The following NOL10 variants were observed in gnomAD, a reference collection of about 807,000 sequenced individuals.
NOL10 encodes H_NH0074G24.1.
In NOL10, 58 loss-of-function variants were observed where a neutral mutation model predicts 103.5. The observed-to-expected ratio is 0.56, with a 90% CI of 0.45 to 0.70. The LOEUF (loss-of-function observed/expected upper bound fraction) is 0.70. Among genes scored for constraint, NOL10 ranks in the 30% least tolerant of loss-of-function variants. The pLI is 0.00. For synonymous variants in NOL10, 287 were observed against 282.5 expected (o/e 1.02, Z -0.16); for missense variants, 763 against 807.3 (o/e 0.95, Z 0.67).
Position 10,571,864 on chromosome 2 carries a change from A to T in NOL10, c.*207T>A. On this transcript the variant is annotated 3_prime_UTR_variant, in exon 21 of 21. Transcript: ENST00000381685. ...CCAGGGAGCAACGACTCGCAAGCAC[A>T]CCCCTGGGGCTGTGCGGTGGCCGTC... The T allele has an allele frequency of 2.2e-6, 1 of 454,964 alleles. No homozygotes were observed. The highest frequency in any genetic ancestry group is 3.8e-6 in the Non-Finnish European group (1 of 259,808). 28.2% of individuals were successfully genotyped at this position (454,964 alleles called of 1,614,324 possible).
rs575658225 is a variant in NOL10 at position 10,638,792 on chromosome 2, CTTTTTTTTTTTTT to C, written c.1026+5515_1026+5527del. On this transcript the variant is annotated intron_variant, in intron 13 of 20. Transcript: ENST00000381685. ...AGGCGTTTGAGCCACCGTGCCTGGC[CTTTTTTTTTTTTT>C]TTTTTTTTTTTTTTTGAGACAGATT... is the stretch of plus-strand genomic sequence containing the variant. 6.1e-4 allele frequency among the ~76,000 whole-genome samples: 32 copies of C among 52,860 alleles called. No individual in the cohort carries two copies. In the South Asian group the frequency reaches 0.014, roughly 23 times the overall value. The allele number at this position is 52,860 out of a possible 152,430, so 34.7% of individuals were successfully genotyped here. A position where few individuals can be genotyped will look rare whatever the true frequency, so the allele number is the denominator to read the frequency against.
At chr2:10,668,184 GTGATGA>G (rs1163234327) in intron 7 of NOL10, among the ~76,000 whole-genome samples, 6 of 152,232 alleles carry the variant, frequency 3.9e-5, no homozygotes, top group South Asian at 2.1e-4. Flanking sequence ...ATTATTTGTT[GTGATGA>G]TGATGATGAT....
At chr2:10,660,919 C>CA (rs904162930) in intron 9 of NOL10, among the ~76,000 whole-genome samples, 15 of 102,244 alleles carry the variant, frequency 1.5e-4, no homozygotes, top group African/African-American at 3.7e-4. Flanking sequence ...GGAAAACAAA[C>CA]AAAAAAAAAG....
chr2:10,580,030 T>C (rs1445159549), intron 19 of NOL10, among the ~76,000 whole-genome samples: 1 of 152,202 alleles, frequency 6.6e-6, no homozygotes, highest in Admixed American at 6.5e-5. Flanking sequence ...CAAGCTGAGT[T>C]TTGGAACAAA....
chr2:10,675,460 G>A (rs867718254), intron 4 of NOL10, among the ~76,000 whole-genome samples: 1 of 151,936 alleles, frequency 6.6e-6, no homozygotes, highest in East Asian at 1.9e-4. Context: ...GGGGGTTTGG[G>A]GGGGGTGCAT....
chr2:10,641,897 C>T (rs540100744), intron 13 of NOL10, among the ~76,000 whole-genome samples: 43 of 152,286 alleles, frequency 2.8e-4, no homozygotes, highest in Non-Finnish European at 5.3e-4. Flanking sequence ...GCAGACCTCC[C>T]GAAGCAGCAC....
chr2:10,679,620 T>TC (rs1681582986), intron 3 of NOL10, among the ~76,000 whole-genome samples: 12 of 144,114 alleles, frequency 8.3e-5, no homozygotes, highest in African/African-American at 2.7e-4. Flanking sequence ...TTCTCTCTCT[T>TC]TCTCTCTCTT....
chr2:10,681,235 G>A (rs1299977262), intron 3 of NOL10, among the ~76,000 whole-genome samples: 1 of 151,934 alleles, frequency 6.6e-6, no homozygotes, highest in African/African-American at 2.4e-5. Flanking sequence ...ATGGAGAATG[G>A]GTAAATAAAC....
rs116617776 is a variant in NOL10 at position 10,636,473 on chromosome 2, C to T, written c.1026+7847G>A. On this transcript the variant is annotated intron_variant, in intron 13 of 20. Transcript: ENST00000381685. Reference sequence around the variant, plus strand: ...ACCAAACAAAATTAGCTGGGTGTGGCGGCATATACCTGTAGTCCCAGATAC... The same window carrying T: ...ACCAAACAAAATTAGCTGGGTGTGGTGGCATATACCTGTAGTCCCAGATAC... Among the ~76,000 whole-genome samples, 756 of 141,238 alleles carry T rather than the reference C, an allele frequency of 5.4e-3. 9 individuals carry two copies. The highest frequency in any genetic ancestry group is 0.019 in the African/African-American group (721 of 38,092). The allele number at this position is 141,238 out of a possible 152,430, so 92.7% of individuals were successfully genotyped here.
At chr2:10,581,295 C>G (rs1674739523) in intron 19 of NOL10, among the ~76,000 whole-genome samples, 1 of 152,176 alleles carries the variant, frequency 6.6e-6, no homozygotes. Context: ...CCCCGCTGAT[C>G]CAGCAAACTC....
chr2:10,612,014 C>A (rs941814160), intron 13 of NOL10, among the ~76,000 whole-genome samples: 1 of 151,852 alleles, frequency 6.6e-6, no homozygotes, highest in Non-Finnish European at 1.5e-5. Flanking sequence ...AAATATTATC[C>A]CAGGAGGGTG....
chr2:10,636,427 A>C (rs1167739999), intron 13 of NOL10, among the ~76,000 whole-genome samples: 1 of 144,020 alleles, frequency 6.9e-6, no homozygotes, highest in African/African-American at 2.7e-5. Flanking sequence ...AACCAAAAAA[A>C]AAAAAAAAAA....
chr2:10,612,796 G>T (rs1676638798), intron 13 of NOL10, among the ~76,000 whole-genome samples: 1 of 152,144 alleles, frequency 6.6e-6, no homozygotes, highest in East Asian at 1.9e-4. Flanking sequence ...GCCCAGCCTA[G>T]AAATATTCTT....
intron 1 of NOL10, among the ~76,000 whole-genome samples, chr2:10,687,117 G>C (rs1682269775): frequency 1.3e-5 from 2 of 152,142 alleles, no homozygotes; most frequent in South Asian, 2.1e-4. Flanking sequence ...TATTTGCACA[G>C]ATCAGACAAC....
At chr2:10,604,373 A>T (rs1367749233) in intron 14 of NOL10, among the ~76,000 whole-genome samples, 1 of 152,260 alleles carries the variant, frequency 6.6e-6, no homozygotes, top group African/African-American at 2.4e-5. Flanking sequence ...ATACAGTAGT[A>T]TAAAATAGTA....
intron 13 of NOL10, chr2:10,622,037 C>T: frequency 2.1e-6 from 1 of 471,020 alleles, no homozygotes; most frequent in South Asian, 1.5e-5. Flanking sequence ...TCAACAGCTA[C>T]ATGTGACTAA....
Position 10,589,637 on chromosome 2 carries a change from T to C in NOL10, c.1537A>G (p.Ile513Val), listed in dbSNP as rs762362732. 6.9e-6 allele frequency: 11 copies of C among 1,590,372 alleles called. No individual in the cohort carries two copies. The South Asian group carries it at 1.2e-4, about 17-fold the overall frequency. ...AGTTTCTTCTTCCTTTTTTCACTAATTTTTGAAACAAGTGGATTCAGAAGC... is the reference window on the plus strand; with the variant it reads ...AGTTTCTTCTTCCTTTTTTCACTAACTTTTGAAACAAGTGGATTCAGAAGC... ...FRLLNPLVSK[I>V]SEKRKKKLRL... The change falls in exon 18 of 21, where the codon ATT (isoleucine) becomes GTT (valine). Residue 513 changes from isoleucine (I) to valine (V), a missense_variant. Ile to Val is a conservative substitution (Grantham distance 29). Transcript: ENST00000381685.
intron 15 of NOL10, 25 bp downstream of exon 15, chr2:10,603,053 A>G (rs766357058): frequency 6.4e-7 from 1 of 1,561,440 alleles, no homozygotes; most frequent in South Asian, 1.1e-5. Flanking sequence ...TACCTGAAAC[A>G]TAATAACTGT....
intron 9 of NOL10, 26 bp from the exon 10 acceptor site, chr2:10,659,276 A>G: frequency 7.3e-7 from 1 of 1,363,782 alleles, no homozygotes; most frequent in South Asian, 1.2e-5. Flanking sequence ...TTCATGCTTC[A>G]TGAATATACG....
Sources: gnomAD v4.1 joint callset for allele counts (sites outside exome capture counted in the v4.1 genomes callset) on GRCh38, gnomAD v4.1.1 for gene constraint, MANE v1.5 for transcripts, NCBI Gene and HGNC (gene_info 2026-07-23, HGNC 2026-07-21) for gene names.